The following CACNA2D1 variants were observed in gnomAD, a reference collection of about 807,000 sequenced individuals.
CACNA2D1 encodes voltage-dependent calcium channel subunit alpha-2/delta-1.
Under a neutral mutation model 171.5 loss-of-function variants are expected in CACNA2D1, and 53 were observed. That is an observed-to-expected ratio of 0.31 (90% CI 0.25 to 0.39). The LOEUF is 0.39. Among genes scored for constraint, CACNA2D1 ranks in the 10% least tolerant of loss-of-function variants. The pLI, the probability that CACNA2D1 is intolerant of heterozygous loss-of-function variation, is 1.00. For synonymous variants in CACNA2D1, 442 were observed against 443.1 expected, an observed-to-expected ratio of 1.00 and a Z score of 0.03; for missense variants, 903 against 1,299.8, an observed-to-expected ratio of 0.69 and a Z score of 4.69.
intron 1 of CACNA2D1, among the ~76,000 whole-genome samples, chr7:82,389,434 T>G (rs1585769510): frequency 1.3e-5 from 2 of 152,292 alleles, no homozygotes; most frequent in East Asian, 3.9e-4. Context: ...GTATTACGCA[T>G]GCTCTGATTT....
chr7:82,188,438 T>C (rs977137886), intron 3 of CACNA2D1, among the ~76,000 whole-genome samples: 10 of 152,096 alleles, frequency 6.6e-5, no homozygotes, highest in South Asian at 2.1e-4. Context: ...ACTAAATTGA[T>C]GTAGCAAGAA....
At chr7:82,003,161 T>C (rs1798776226) in intron 18 of CACNA2D1, among the ~76,000 whole-genome samples, 1 of 152,074 alleles carries the variant, frequency 6.6e-6, no homozygotes, top group South Asian at 2.1e-4. Flanking sequence ...ATCATAATAT[T>C]TACTGAATTA....
chr7:82,320,940 C>CATTTATATATATATAAAGCT (rs1475150311), intron 3 of CACNA2D1, among the ~76,000 whole-genome samples: 22 of 151,674 alleles, frequency 1.5e-4, no homozygotes, highest in Admixed American at 1.3e-3. Flanking sequence ...TATATAAAGC[C>CATTTATATATATATAAAGCT]ATTTATATAT....
intron 7 of CACNA2D1, among the ~76,000 whole-genome samples, chr7:82,067,856 T>C (rs986651953): frequency 6.6e-6 from 1 of 152,150 alleles, no homozygotes; most frequent in South Asian, 2.1e-4. Context: ...TAAAATTTTA[T>C]AGAAATTGTA....
intron 15 of CACNA2D1, among the ~76,000 whole-genome samples, chr7:82,010,124 T>C (rs946291361): frequency 6.6e-6 from 1 of 152,132 alleles, no homozygotes; most frequent in Non-Finnish European, 1.5e-5. Flanking sequence ...ACAACCCACT[T>C]TGCCCCCAAT....
At chr7:82,429,576 C>T (rs1037376491) in intron 1 of CACNA2D1, among the ~76,000 whole-genome samples, 6 of 152,070 alleles carry the variant, frequency 3.9e-5, no homozygotes, top group African/African-American at 1.2e-4. Context: ...CATGTACAGC[C>T]GGGACTCAGC....
At position 82,088,272 on chromosome 7, in the gene CACNA2D1, T is replaced by G. The variant is rs1312300565; in HGVS notation, c.527-3372A>C. On this transcript the variant is annotated intron_variant, in intron 6 of 38. Transcript: ENST00000356860. ...TTAGTCTCTCCTGTTTTCCTGACAC[T>G]GTAGTTCTTAAAAAATAAAAGGTAC... Among the ~76,000 whole-genome samples, 3 of 152,170 alleles carry G rather than the reference T, an allele frequency of 2.0e-5. No individual in the cohort carries two copies. In the East Asian group the frequency reaches 5.8e-4, roughly 29 times the overall value.
chr7:82,419,059 G>A (rs911584206), intron 1 of CACNA2D1, among the ~76,000 whole-genome samples: 3 of 150,828 alleles, frequency 2.0e-5, no homozygotes, highest in African/African-American at 7.3e-5. Flanking sequence ...GCAGTGAGCC[G>A]AGCTCGCGCC....
At chr7:82,131,371 T>C (rs774312509) in intron 5 of CACNA2D1, among the ~76,000 whole-genome samples, 1 of 152,126 alleles carries the variant, frequency 6.6e-6, no homozygotes, top group Non-Finnish European at 1.5e-5. Flanking sequence ...GTAAGGTAAA[T>C]GTCCAGCTAT....
At chr7:82,116,969 T>A in intron 6 of CACNA2D1, 75 bp downstream of exon 6, 1 of 1,503,692 alleles carries the variant, frequency 6.7e-7, no homozygotes, top group Non-Finnish European at 9.3e-7. Flanking sequence ...CTCTTTTTTT[T>A]CCCCCTCAAA....
At chr7:81,986,710 G>A (rs957168846) in intron 21 of CACNA2D1, among the ~76,000 whole-genome samples, 6 of 152,106 alleles carry the variant, frequency 3.9e-5, no homozygotes, top group African/African-American at 1.4e-4. Context: ...AAAGGTCAGG[G>A]AAATAAAATG....
At chr7:82,006,022 TATC>T (rs1799083799) in intron 16 of CACNA2D1, among the ~76,000 whole-genome samples, 183 bp from the exon 17 acceptor site, 1 of 151,412 alleles carries the variant, frequency 6.6e-6, no homozygotes, top group African/African-American at 2.4e-5. Flanking sequence ...CCCACAACTT[TATC>T]ATCATCATTT....
At chr7:82,331,855 C>A (rs1037789271) in intron 3 of CACNA2D1, among the ~76,000 whole-genome samples, 1 of 152,062 alleles carries the variant, frequency 6.6e-6, no homozygotes, top group Admixed American at 6.6e-5. Context: ...CAATATAAAT[C>A]GAATCATTTT....
chr7:82,185,459 A>G (rs1797565498), intron 3 of CACNA2D1, among the ~76,000 whole-genome samples: 1 of 110,498 alleles, frequency 9.0e-6, no homozygotes, highest in Non-Finnish European at 1.9e-5. Flanking sequence ...AAAGGGTCAG[A>G]CAAAAAAGAG....
chr7:82,305,837 AAAGCTCTTTTG>A (rs1813664706), intron 3 of CACNA2D1, among the ~76,000 whole-genome samples: 4 of 152,306 alleles, frequency 2.6e-5, no homozygotes, highest in East Asian at 3.9e-4. Context: ...AACGTAACCA[AAAGCTCTTTTG>A]AAGCTCTTTT....
chr7:82,275,335 C>G lies in CACNA2D1; in HGVS notation c.294+59800G>C, dbSNP rs969058824. Among the ~76,000 whole-genome samples, 17 of 152,140 alleles carry G rather than the reference C, an allele frequency of 1.1e-4. 1 individual carries two copies. The highest frequency in any genetic ancestry group is 1.3e-4 in the Admixed American group (2 of 15,264). On this transcript the variant is annotated intron_variant, in intron 3 of 38. Transcript: ENST00000356860. ...CAATACCACTCCCCTGTTTATAACT[C>G]CTTTTTAAAATTCAGATCCATCTCA...
intron 1 of CACNA2D1, among the ~76,000 whole-genome samples, chr7:82,433,885 A>T (rs1024575745): frequency 5.3e-5 from 8 of 152,236 alleles, no homozygotes; most frequent in Non-Finnish European, 1.2e-4. Context: ...AGGCAACCAG[A>T]GTCTCTTTTC....
chr7:82,347,089 G>C (rs998315853), intron 2 of CACNA2D1, among the ~76,000 whole-genome samples: 18 of 152,042 alleles, frequency 1.2e-4, no homozygotes, highest in Admixed American at 3.9e-4. Context: ...ATGCATCAGG[G>C]ACAATAGTCC....
At chr7:81,971,747 A>G in intron 26 of CACNA2D1, 30 bp downstream of exon 26, 1 of 1,226,504 alleles carries the variant, frequency 8.2e-7, no homozygotes, top group Non-Finnish European at 1.2e-6. Flanking sequence ...TGCAGAATAC[A>G]TATTTTTATT....
Sources: gnomAD v4.1 joint callset for allele counts (sites outside exome capture counted in the v4.1 genomes callset) on GRCh38, gnomAD v4.1.1 for gene constraint, MANE v1.5 for transcripts, NCBI Gene and HGNC (gene_info 2026-07-23, HGNC 2026-07-21) for gene names.